NRP2: variants seen among roughly 807,000 people sequenced by gnomAD.
NRP2 encodes the protein neuropilin-2.
NRP2 carries 52 observed loss-of-function variants against 110.4 expected under a neutral mutation model. The ratio of observed to expected loss-of-function variants is 0.47; its 90% CI spans 0.38 to 0.59. The LOEUF is 0.59. Among genes scored for constraint, NRP2 ranks in the 20% least tolerant of loss-of-function variants. The probability of loss-of-function intolerance (pLI) is 0.00; values close to 1 mark genes in which losing one functional copy is unlikely to be tolerated. For missense variants in NRP2, 1,049 were observed against 1,203.0 expected, an observed-to-expected ratio of 0.87 and a Z score of 1.89; for synonymous variants, 508 against 468.9, an observed-to-expected ratio of 1.08 and a Z score of -1.08.
intron 15 of NRP2, among the ~76,000 whole-genome samples, chr2:205,780,044 T>C (rs1017874245): frequency 6.6e-6 from 1 of 152,208 alleles, no homozygotes; most frequent in East Asian, 1.9e-4. Context: ...GATTCTACTT[T>C]CAAAGGGCTC....
intron 7 of NRP2, among the ~76,000 whole-genome samples, 172 bp from the exon 8 acceptor site, chr2:205,740,347 A>T (rs2057417936): frequency 6.6e-6 from 1 of 152,064 alleles, no homozygotes; most frequent in South Asian, 2.1e-4. Context: ...TGAGAAATTA[A>T]TTTTTTTTAC....
At chr2:205,729,706 A>T (rs1165377635) in intron 7 of NRP2, among the ~76,000 whole-genome samples, 1 of 152,126 alleles carries the variant, frequency 6.6e-6, no homozygotes, top group African/African-American at 2.4e-5. Context: ...ATTTGTAGGA[A>T]ATCTGCTTTT....
rs548452168 is a variant in NRP2 at position 205,790,963 on chromosome 2, C to G, written c.2426-1272C>G. Among the ~76,000 whole-genome samples, 34 of 152,342 alleles carry G rather than the reference C, an allele frequency of 2.2e-4. No homozygotes were observed. The South Asian group carries it at 6.8e-3, about 31-fold the overall frequency. ...GGCAAGTTGTTTTGTGCATCCCTTACTAGGGACCGAGGGGGATGAGAATGT... is the reference window on the plus strand; with the variant it reads ...GGCAAGTTGTTTTGTGCATCCCTTAGTAGGGACCGAGGGGGATGAGAATGT... On this transcript the variant is annotated intron_variant, in intron 15 of 16. Transcript: ENST00000357785.
chr2:205,772,107 C>T (rs1417818329), intron 15 of NRP2, among the ~76,000 whole-genome samples: 1 of 152,228 alleles, frequency 6.6e-6, no homozygotes, highest in Non-Finnish European at 1.5e-5. Context: ...CCCTTCTCCA[C>T]AATTATCCTC....
In NRP2 at chr2:205,796,639, G is replaced by A. The variant is rs908836932; in HGVS notation, c.*1581G>A. 1 of 152,566 alleles carries A rather than the reference G, an allele frequency of 6.6e-6. No individual in the cohort carries two copies. The highest frequency in any genetic ancestry group is 2.4e-5 in the African/African-American group (1 of 41,444). 9.5% of individuals were successfully genotyped at this position (152,566 alleles called of 1,614,324 possible). A position where few individuals can be genotyped will look rare whatever the true frequency, so the allele number is the denominator to read the frequency against. ...TGATCCTATTAAAGGAATGAGTCCTGCTACCCGAGTGGTAGTCATAGCCCT... is the reference window on the plus strand; with the variant it reads ...TGATCCTATTAAAGGAATGAGTCCTACTACCCGAGTGGTAGTCATAGCCCT... On this transcript the variant is annotated 3_prime_UTR_variant, in exon 17 of 17. Transcript: ENST00000357785.
At chr2:205,776,344 G>A (rs746629711) in intron 15 of NRP2, 8 of 1,612,870 alleles carry the variant, frequency 5.0e-6, no homozygotes, top group Non-Finnish European at 6.8e-6. Context: ...CGGGGGCGCC[G>A]TGCTGGTGCT....
rs369427038 is a variant in NRP2 at position 205,761,773 on chromosome 2, G to A, written c.2045-1901G>A. Among the ~76,000 whole-genome samples, 10 of 152,268 alleles carry A rather than the reference G, an allele frequency of 6.6e-5. No individual in the cohort carries two copies. The East Asian group carries it at 9.6e-4, about 15-fold the overall frequency. On this transcript the variant is annotated intron_variant, in intron 12 of 16. Transcript: ENST00000357785. ...TGGAAAACCTGCAGTCAGGGGTCTC[G>A]GCTCTGCCATTGAAGTTGCCTCTCT...
chr2:205,724,009 G>A, intron 5 of NRP2, 69 bp downstream of exon 5: 1 of 1,569,206 alleles, frequency 6.4e-7, no homozygotes, highest in South Asian at 1.1e-5. Flanking sequence ...CAGGTGAAGG[G>A]GGGCTGAGCT....
intron 7 of NRP2, among the ~76,000 whole-genome samples, chr2:205,738,655 C>T (rs1041483910): frequency 5.3e-5 from 8 of 152,140 alleles, no homozygotes; most frequent in African/African-American, 1.9e-4. Context: ...TTCTCATCCA[C>T]AATCGCTATA....
chr2:205,746,127 A>C (rs776751058), intron 10 of NRP2, among the ~76,000 whole-genome samples: 1 of 152,168 alleles, frequency 6.6e-6, no homozygotes, highest in Non-Finnish European at 1.5e-5. Context: ...CTCCAACCCG[A>C]GTCTCTCAAA....
chr2:205,727,583 A>C (rs564183816), intron 6 of NRP2, among the ~76,000 whole-genome samples: 1 of 152,312 alleles, frequency 6.6e-6, no homozygotes, highest in South Asian at 2.1e-4. Flanking sequence ...GCAGGCCATC[A>C]TTTACTAAGA....
At chr2:205,756,928 CTAAG>C (rs1208499340) in intron 12 of NRP2, 2 of 152,100 alleles carry the variant, frequency 1.3e-5, no homozygotes, top group African/African-American at 2.4e-5. Flanking sequence ...AATATTAATA[CTAAG>C]TAAGGTCAAT....
chr2:205,706,322 C>T (rs964357124), intron 2 of NRP2, among the ~76,000 whole-genome samples: 3 of 151,338 alleles, frequency 2.0e-5, no homozygotes, highest in Non-Finnish European at 2.9e-5. Flanking sequence ...GGAGAGTGAA[C>T]GAGGGGGGAA....
At chr2:205,787,713 A>AGTGTGTGTGT (rs1553600976) in intron 15 of NRP2, among the ~76,000 whole-genome samples, 1 of 104,082 alleles carries the variant, frequency 9.6e-6, no homozygotes, top group African/African-American at 3.7e-5. Context: ...GATAAAAAAA[A>AGTGTGTGTGT]GTGTCTGTGT....
At chr2:205,788,333 C>T (rs967116481) in intron 15 of NRP2, among the ~76,000 whole-genome samples, 3 of 152,180 alleles carry the variant, frequency 2.0e-5, no homozygotes, top group Non-Finnish European at 4.4e-5. Flanking sequence ...CTCTGTAAAA[C>T]CCCTTCCCAT....
chr2:205,685,311 C>T (rs2056122355), intron 1 of NRP2, among the ~76,000 whole-genome samples: 1 of 152,158 alleles, frequency 6.6e-6, no homozygotes, highest in South Asian at 2.1e-4. Context: ...ACCTCCAGCT[C>T]CCCAAAATGC....
At chr2:205,722,372 C>T in intron 3 of NRP2, 106 bp from the exon 4 acceptor site, 2 of 921,028 alleles carry the variant, frequency 2.2e-6, no homozygotes, top group Non-Finnish European at 3.5e-6. Context: ...CAACAAAAAC[C>T]TCAAGAGCAG....
At chr2:205,786,471 A>G (rs1392496718) in intron 15 of NRP2, among the ~76,000 whole-genome samples, 1 of 152,156 alleles carries the variant, frequency 6.6e-6, no homozygotes, top group Non-Finnish European at 1.5e-5. Context: ...CCCCCAAACA[A>G]GGTGTTGAAA....
intron 15 of NRP2, among the ~76,000 whole-genome samples, chr2:205,788,654 A>G (rs886420314): frequency 6.6e-6 from 1 of 151,794 alleles, no homozygotes; most frequent in Non-Finnish European, 1.5e-5. Context: ...CCTCCTCTAC[A>G]CTCCCACATT....
Sources: gnomAD v4.1 joint callset for allele counts (sites outside exome capture counted in the v4.1 genomes callset) on GRCh38, gnomAD v4.1.1 for gene constraint, MANE v1.5 for transcripts, NCBI Gene and HGNC (gene_info 2026-07-23, HGNC 2026-07-21) for gene names.